The following IQGAP2 variants were observed in gnomAD, a reference collection of about 807,000 sequenced individuals.
The protein encoded by IQGAP2 is ras GTPase-activating-like protein IQGAP2.
A neutral mutation model predicts 201.3 loss-of-function variants in IQGAP2; 173 were observed. The observed-to-expected ratio is 0.86, with a 90% CI of 0.76 to 0.98. The LOEUF (loss-of-function observed/expected upper bound fraction) is 0.98, where lower values mean the gene tolerates loss of function less well. IQGAP2 is among the 50% of genes least tolerant of loss of function. The pLI is 0.00. For missense variants in IQGAP2, 1,687 were observed against 1,864.8 expected (o/e 0.90, Z 1.76); for synonymous variants, 675 against 673.9 (o/e 1.00, Z -0.03).
intron 16 of IQGAP2, among the ~76,000 whole-genome samples, chr5:76,638,205 C>A (rs1751296028): frequency 6.6e-6 from 1 of 151,954 alleles, no homozygotes; most frequent in Non-Finnish European, 1.5e-5. Context: ...TAGGTGAAAC[C>A]CCATCTTTAC....
At chr5:76,551,840 C>T (rs1269660331) in intron 2 of IQGAP2, among the ~76,000 whole-genome samples, 1 of 137,232 alleles carries the variant, frequency 7.3e-6, no homozygotes, top group Non-Finnish European at 1.5e-5. Context: ...AGAGGGAGAC[C>T]TTGCAAAGAG....
intron 2 of IQGAP2, among the ~76,000 whole-genome samples, chr5:76,538,959 G>A (rs1462658764): frequency 6.6e-6 from 1 of 152,166 alleles, no homozygotes; most frequent in African/African-American, 2.4e-5. Context: ...TGATGGTGGG[G>A]TGTCTGCTCA....
intron 1 of IQGAP2, among the ~76,000 whole-genome samples, chr5:76,430,852 G>A (rs114326620): frequency 0.014 from 2,191 of 152,260 alleles, 64 homozygotes; most frequent in African/African-American, 0.048. Context: ...AAATAATTGC[G>A]TTCAGTAGCA....
intron 2 of IQGAP2, among the ~76,000 whole-genome samples, chr5:76,488,749 C>G (rs1043715359): frequency 6.6e-6 from 1 of 152,118 alleles, no homozygotes; most frequent in Non-Finnish European, 1.5e-5. Flanking sequence ...CTGTAATGGC[C>G]GGACTAATCC....
At position 76,403,419 on chromosome 5, in the gene IQGAP2, G is replaced by T; in HGVS notation, c.-127G>T. On this transcript the variant is annotated 5_prime_UTR_variant, in exon 1 of 36. Coordinates refer to ENST00000274364, the MANE Select transcript of IQGAP2 (RefSeq NM_006633.5). The surrounding 1 kb of genome is among the most constrained non-coding windows in gnomAD (Gnocchi z 4.8). ...CCGAGGGAGTGGGTCGCAGATCTTC[G>T]GGCGGCTAGGGGAAATCGGCGAGAG... The T allele has an allele frequency of 1.6e-6, 1 of 637,970 alleles. No homozygotes were observed. The highest frequency in any genetic ancestry group is 4.1e-5 in the South Asian group (1 of 24,546). 39.5% of individuals were successfully genotyped at this position (637,970 alleles called of 1,614,324 possible).
chr5:76,451,695 T>C (rs1327195218), intron 1 of IQGAP2, among the ~76,000 whole-genome samples: 2 of 152,226 alleles, frequency 1.3e-5, no homozygotes, highest in Admixed American at 6.5e-5. Flanking sequence ...CTGGTATTAA[T>C]GCTTATTCCT....
chr5:76,459,793 A>G (rs532995822), intron 1 of IQGAP2, among the ~76,000 whole-genome samples: 6 of 152,004 alleles, frequency 3.9e-5, no homozygotes, highest in African/African-American at 1.2e-4. Flanking sequence ...TGGGATTACC[A>G]CCGCGCCTGG....
At chr5:76,609,398 T>C (rs957931333) in intron 12 of IQGAP2, among the ~76,000 whole-genome samples, 2 of 152,220 alleles carry the variant, frequency 1.3e-5, no homozygotes, top group Admixed American at 6.5e-5. Flanking sequence ...ACCTGCACAT[T>C]AGAGAAATAC....
chr5:76,468,245 C>T (rs1018171758), intron 2 of IQGAP2, among the ~76,000 whole-genome samples: 8 of 151,956 alleles, frequency 5.3e-5, no homozygotes, highest in Non-Finnish European at 7.4e-5. Flanking sequence ...CTAAGATACA[C>T]GAGATATCTA....
At chr5:76,570,737 G>A in intron 4 of IQGAP2, 80 bp downstream of exon 4, 1 of 930,088 alleles carries the variant, frequency 1.1e-6, no homozygotes, top group South Asian at 1.4e-5. Flanking sequence ...CAATGACTTT[G>A]GAGACTGGGT....
intron 28 of IQGAP2, among the ~76,000 whole-genome samples, chr5:76,678,660 T>TAG (rs1331922112): frequency 2.0e-5 from 3 of 152,208 alleles, no homozygotes; most frequent in Non-Finnish European, 4.4e-5. Context: ...ATTCAAGTTC[T>TAG]AGATGCTTCA....
chr5:76,614,180 G>A (rs1393351802), intron 13 of IQGAP2, among the ~76,000 whole-genome samples: 2 of 152,160 alleles, frequency 1.3e-5, no homozygotes, highest in African/African-American at 4.8e-5. Context: ...CTTCTAGACT[G>A]AGCATTCCAA....
intron 6 of IQGAP2, 22 bp downstream of exon 6, chr5:76,588,995 A>AT (rs757645782): frequency 2.0e-6 from 3 of 1,523,128 alleles, no homozygotes; most frequent in Non-Finnish European, 2.7e-6. Context: ...TATCTTTGTA[A>AT]TTTTTTACAA....
rs575276287 is a variant in IQGAP2, at chr5:76,597,511, A to G, written c.980A>G (p.Lys327Arg). The G allele has an allele frequency of 2.5e-6, 4 of 1,613,812 alleles. No individual in the cohort carries two copies. In the Admixed American group the frequency reaches 5.0e-5, roughly 20 times the overall value. The stretch of plus-strand genomic sequence containing the variant: ...CCCGAGAATACGCTGCTTGCACTGA[A>G]GAAACCAGAGGCCCAGCTGCCTGCT... ...GDPENTLLAL[K>R]KPEAQLPAVY... The change falls in exon 10 of 36, where the codon AAG becomes AGG. Residue 327 changes from lysine to arginine, a missense_variant. Lys to Arg is a conservative substitution (Grantham distance 26, BLOSUM62 2). Coordinates refer to ENST00000274364, the MANE Select transcript of IQGAP2 (RefSeq NM_006633.5).
At chr5:76,601,754 T>C (rs141031100) in intron 11 of IQGAP2, among the ~76,000 whole-genome samples, 1 of 152,308 alleles carries the variant, frequency 6.6e-6, no homozygotes, top group East Asian at 1.9e-4. Flanking sequence ...TCTTGGGTCA[T>C]GTACAGTTGC....
At chr5:76,487,970 G>T (rs748416437) in intron 2 of IQGAP2, among the ~76,000 whole-genome samples, 21 of 152,244 alleles carry the variant, frequency 1.4e-4, no homozygotes, top group Non-Finnish European at 2.6e-4. Context: ...GGAGTTTAGG[G>T]CTGACTGGAG....
At chr5:76,489,059 G>A (rs1756356030) in intron 2 of IQGAP2, among the ~76,000 whole-genome samples, 1 of 152,156 alleles carries the variant, frequency 6.6e-6, no homozygotes, top group South Asian at 2.1e-4. Flanking sequence ...CCAGCTCCTT[G>A]TTCTTCCACT....
At chr5:76,434,969 T>C (rs1752571964) in intron 1 of IQGAP2, among the ~76,000 whole-genome samples, 1 of 152,204 alleles carries the variant, frequency 6.6e-6, no homozygotes. Context: ...TGAGCATTTT[T>C]TCATGTGTTT....
chr5:76,514,193 T>G (rs866262992), intron 2 of IQGAP2, among the ~76,000 whole-genome samples: 3 of 151,874 alleles, frequency 2.0e-5, no homozygotes, highest in Non-Finnish European at 4.4e-5. Flanking sequence ...CCGGCTAATT[T>G]TTGTATTTTT....
Sources: allele counts gnomAD v4.1 joint callset (sites outside exome capture counted in the v4.1 genomes callset), GRCh38; gene constraint gnomAD v4.1.1; non-coding constraint Gnocchi (gnomAD v3.1); transcripts MANE v1.5; gene names NCBI Gene and HGNC (gene_info 2026-07-23, HGNC 2026-07-21).